CD2AP: variants seen among roughly 807,000 people sequenced by gnomAD.
CD2AP encodes CD2-associated protein.
In CD2AP, 46 loss-of-function variants were observed where a neutral mutation model predicts 85.1. That is an observed-to-expected ratio of 0.54 (90% CI 0.43 to 0.69). CD2AP has a LOEUF of 0.69. CD2AP is among the 30% of genes least tolerant of loss of function. The pLI is 0.00. For synonymous variants in CD2AP, 255 were observed against 252.9 expected (o/e 1.01, Z -0.08); for missense variants, 769 against 729.5 (o/e 1.05, Z -0.62).
At chr6:47,615,251 C>T (rs1769546043) in intron 17 of CD2AP, among the ~76,000 whole-genome samples, 1 of 152,154 alleles carries the variant, frequency 6.6e-6, no homozygotes, top group African/African-American at 2.4e-5. Flanking sequence ...CACATTATCT[C>T]ATTAGACACA....
chr6:47,586,222 T>G (rs760682604), intron 11 of CD2AP, among the ~76,000 whole-genome samples: 7 of 152,226 alleles, frequency 4.6e-5, no homozygotes, highest in Middle Eastern at 3.4e-3. Context: ...CTGGAAAATA[T>G]AAGAAAGACC....
At chr6:47,610,959 ATATATATATGTATTT>A (rs1769415052) in intron 16 of CD2AP, among the ~76,000 whole-genome samples, 2 of 105,518 alleles carry the variant, frequency 1.9e-5, no homozygotes, top group Non-Finnish European at 3.9e-5. Context: ...TTATATATAT[ATATATATATGTATTT>A]TTTTTTTTTT....
intron 17 of CD2AP, among the ~76,000 whole-genome samples, chr6:47,621,240 GT>G (rs1160312263): frequency 6.6e-6 from 1 of 152,052 alleles, no homozygotes; most frequent in African/African-American, 2.4e-5. Flanking sequence ...TTTGCTGAGA[GT>G]TTTAATCATA....
In CD2AP at chr6:47,606,147, T is replaced by G. The variant is rs1022559801; in HGVS notation, c.1418-18T>G. ...GGTACAGTTCTCTTAGTAAATAATG[T>G]TTATTTTTATTTTCTAGATGTTGTA... On this transcript the variant is annotated intron_variant, in intron 13 of 17. Transcript: ENST00000359314. The G allele has an allele frequency of 1.6e-6, 2 of 1,271,570 alleles. No individual in the cohort carries two copies. The highest frequency in any genetic ancestry group is 2.3e-6 in the Non-Finnish European group (2 of 869,312). The allele number at this position is 1,271,570 out of a possible 1,614,324, so 78.8% of individuals were successfully genotyped here. A position where few individuals can be genotyped will look rare whatever the true frequency, so the allele number is the denominator to read the frequency against.
intron 5 of CD2AP, among the ~76,000 whole-genome samples, chr6:47,566,500 G>T (rs1474459909): frequency 6.6e-6 from 1 of 151,630 alleles, no homozygotes; most frequent in Non-Finnish European, 1.5e-5. Flanking sequence ...TGTTGTTTTG[G>T]TTTTTGCTTT....
chr6:47,543,148 C>CAA lies in CD2AP; in HGVS notation c.320-1435_320-1434dup, dbSNP rs11338409. Among the ~76,000 whole-genome samples, 580 of 60,176 alleles carry CAA rather than the reference C, an allele frequency of 9.6e-3. 10 individuals carry two copies. The highest frequency in any genetic ancestry group is 0.026 in the African/African-American group (368 of 14,312). The allele number at this position is 60,176 out of a possible 152,430, so 39.5% of individuals were successfully genotyped here. A position where few individuals can be genotyped will look rare whatever the true frequency, so the allele number is the denominator to read the frequency against. On this transcript the variant is annotated intron_variant, in intron 3 of 17. Coordinates refer to ENST00000359314, the MANE Select transcript of CD2AP (RefSeq NM_012120.3). Reference sequence around the variant, plus strand: ...CCTGGGCAACAGAGCAAGACTGTCTCAAAAAAAAAAAAAAAAAAAAAAAAG... The same window carrying CAA: ...CCTGGGCAACAGAGCAAGACTGTCTCAAAAAAAAAAAAAAAAAAAAAAAAAAG...
chr6:47,486,417 G>A (rs1765566220), intron 1 of CD2AP, among the ~76,000 whole-genome samples: 1 of 151,998 alleles, frequency 6.6e-6, no homozygotes, highest in Non-Finnish European at 1.5e-5. Context: ...GAATCCATTA[G>A]AAAAATAAAC....
intron 13 of CD2AP, among the ~76,000 whole-genome samples, chr6:47,601,894 T>C (rs1233320334): frequency 2.6e-5 from 4 of 152,012 alleles, no homozygotes; most frequent in Non-Finnish European, 5.9e-5. Context: ...TATTTACTAG[T>C]TGATTGCTGA....
intron 2 of CD2AP, among the ~76,000 whole-genome samples, chr6:47,511,114 A>G (rs970456765): frequency 3.9e-4 from 35 of 89,274 alleles, no homozygotes; most frequent in Middle Eastern, 0.014. Context: ...ATAGATGGAC[A>G]GGGAAAAATA....
chr6:47,538,388 T>C (rs995392682), intron 3 of CD2AP, among the ~76,000 whole-genome samples: 1 of 151,956 alleles, frequency 6.6e-6, no homozygotes, highest in African/African-American at 2.4e-5. Flanking sequence ...ATTACAGGCG[T>C]GCACCACCAT....
At chr6:47,544,561 A>C (rs1341085263) in intron 3 of CD2AP, 45 bp from the exon 4 acceptor site, 2 of 1,245,644 alleles carry the variant, frequency 1.6e-6, no homozygotes, top group Non-Finnish European at 2.4e-6. Context: ...TGTTTTTAAA[A>C]ATGATCATTC....
intron 13 of CD2AP, among the ~76,000 whole-genome samples, chr6:47,603,321 T>C (rs1486829375): frequency 2.6e-5 from 4 of 152,092 alleles, no homozygotes; most frequent in African/African-American, 9.6e-5. Context: ...TTTTCTTCTT[T>C]GATACCACAG....
chr6:47,531,098 AT>A (rs1353025659), intron 2 of CD2AP, among the ~76,000 whole-genome samples: 2 of 152,144 alleles, frequency 1.3e-5, no homozygotes, highest in Non-Finnish European at 2.9e-5. Context: ...CAAAAAAAAA[AT>A]GTGTTTTTTG....
intron 13 of CD2AP, among the ~76,000 whole-genome samples, chr6:47,605,513 T>G (rs1310634022): frequency 6.6e-6 from 1 of 151,870 alleles, no homozygotes; most frequent in African/African-American, 2.4e-5. Flanking sequence ...TTTTTTTTGG[T>G]ATCTGATTTG....
chr6:47,525,363 T>G (rs1017877674), intron 2 of CD2AP, among the ~76,000 whole-genome samples: 3 of 152,194 alleles, frequency 2.0e-5, no homozygotes, highest in African/African-American at 7.2e-5. Flanking sequence ...TCCTTAGATT[T>G]TAATTAGCTT....
At chr6:47,491,048 G>A (rs979745115) in intron 1 of CD2AP, among the ~76,000 whole-genome samples, 3 of 152,018 alleles carry the variant, frequency 2.0e-5, no homozygotes, top group Non-Finnish European at 4.4e-5. Context: ...TTGACTAATG[G>A]ATCTGGTACC....
At chr6:47,536,020 A>G (rs1767035266) in intron 3 of CD2AP, among the ~76,000 whole-genome samples, 1 of 152,190 alleles carries the variant, frequency 6.6e-6, no homozygotes, top group Non-Finnish European at 1.5e-5. Context: ...TTTCTCTTGT[A>G]AGAAGGAAAA....
chr6:47,509,902 G>A (rs909573744), intron 2 of CD2AP, among the ~76,000 whole-genome samples: 1 of 152,082 alleles, frequency 6.6e-6, no homozygotes, highest in Non-Finnish European at 1.5e-5. Context: ...TCAAAAATAA[G>A]TTAAAAGTTA....
chr6:47,598,783 A>G lies in CD2AP; in HGVS notation c.1275-518A>G, dbSNP rs982124172. 9.3e-5 allele frequency among the ~76,000 whole-genome samples: 14 copies of G among 150,692 alleles called. 1 individual carries two copies. Among genetic ancestry groups the G allele is most frequent in the Non-Finnish European group, 1.6e-4 (11 of 67,146 alleles). On this transcript the variant is annotated intron_variant, in intron 12 of 17. Coordinates refer to ENST00000359314, the MANE Select transcript of CD2AP (RefSeq NM_012120.3). ...GTGGGAGGGGAGTGAAGGATAAAAG[A>G]CTGCACATTGGGTACAGTGTGCACT...
Sources: gnomAD v4.1 joint callset for allele counts (sites outside exome capture counted in the v4.1 genomes callset) on GRCh38, gnomAD v4.1.1 for gene constraint, MANE v1.5 for transcripts, NCBI Gene and HGNC (gene_info 2026-07-23, HGNC 2026-07-21) for gene names.